Variants in HPSE2 observed in about 807,000 individuals in gnomAD.
HPSE2 encodes inactive heparanase-2.
In HPSE2, 38 loss-of-function variants were observed where a neutral mutation model predicts 60.5. The observed-to-expected ratio is 0.63, with a 90% CI of 0.48 to 0.82. The LOEUF (loss-of-function observed/expected upper bound fraction) is 0.82. Ranked by LOEUF, HPSE2 falls within the 40% of genes least tolerant of loss-of-function variation. The pLI, the probability that HPSE2 is intolerant of heterozygous loss-of-function variation, is 0.00. For missense variants in HPSE2, 713 were observed against 740.4 expected (o/e 0.96, Z 0.43); for synonymous variants, 295 against 293.2 (o/e 1.01, Z -0.06).
chr10:99,123,083 T>C (rs974471943), intron 3 of HPSE2, among the ~76,000 whole-genome samples: 7 of 152,308 alleles, frequency 4.6e-5, no homozygotes, highest in Middle Eastern at 3.4e-3. Flanking sequence ...GAAAATGTTA[T>C]ATACTTATAC....
At chr10:99,092,332 ATAT>A (rs1399365553) in intron 3 of HPSE2, among the ~76,000 whole-genome samples, 1 of 152,214 alleles carries the variant, frequency 6.6e-6, no homozygotes, top group Non-Finnish European at 1.5e-5. Flanking sequence ...TATGTGATAG[ATAT>A]TATTGTCATT....
chr10:99,125,606 A>G (rs1373880498), intron 3 of HPSE2, among the ~76,000 whole-genome samples: 1 of 152,234 alleles, frequency 6.6e-6, no homozygotes, highest in Admixed American at 6.5e-5. Context: ...GTGGCATGCC[A>G]CTGCAAATTC....
intron 9 of HPSE2, among the ~76,000 whole-genome samples, chr10:98,492,702 G>A (rs1167359894): frequency 6.6e-6 from 1 of 152,054 alleles, no homozygotes. Context: ...CTCTAAAAAA[G>A]GAGATGAGGA....
chr10:99,068,262 A>G (rs1052775298), intron 3 of HPSE2, among the ~76,000 whole-genome samples: 9 of 152,132 alleles, frequency 5.9e-5, no homozygotes, highest in Admixed American at 3.9e-4. Context: ...AGGTATTTTT[A>G]CAGCAGCGCC....
intron 3 of HPSE2, among the ~76,000 whole-genome samples, chr10:98,802,216 T>G (rs541750775): frequency 6.6e-6 from 1 of 151,924 alleles, no homozygotes; most frequent in African/African-American, 2.4e-5. Context: ...CCTCAAACTA[T>G]AAAACTACCA....
chr10:98,591,877 C>T (rs1023629164), intron 9 of HPSE2, among the ~76,000 whole-genome samples: 5 of 152,132 alleles, frequency 3.3e-5, no homozygotes, highest in African/African-American at 1.2e-4. Context: ...CCTGTGATCA[C>T]TATACTTCAG....
intron 3 of HPSE2, among the ~76,000 whole-genome samples, chr10:98,915,237 T>A (rs1954086601): frequency 6.6e-6 from 1 of 151,072 alleles, no homozygotes. Flanking sequence ...AAGCTCCACA[T>A]CCCAGGTTCA....
intron 3 of HPSE2, among the ~76,000 whole-genome samples, chr10:99,112,290 A>C (rs1022857076): frequency 2.6e-5 from 4 of 152,188 alleles, no homozygotes; most frequent in African/African-American, 9.7e-5. Context: ...CCCAGGCTGG[A>C]GTACAGTGGC....
At chr10:98,668,857 C>G (rs1947436531) in intron 6 of HPSE2, among the ~76,000 whole-genome samples, 2 of 152,130 alleles carry the variant, frequency 1.3e-5, no homozygotes, top group Non-Finnish European at 2.9e-5. Flanking sequence ...GAATTTGTGG[C>G]TAAGTCACCA....
intron 9 of HPSE2, among the ~76,000 whole-genome samples, chr10:98,523,436 G>T (rs1462895749): frequency 1.3e-5 from 2 of 152,180 alleles, no homozygotes; most frequent in Non-Finnish European, 2.9e-5. Context: ...GTATGAAATA[G>T]AATATAGACT....
chr10:99,055,912 C>A (rs1958102783), intron 3 of HPSE2, among the ~76,000 whole-genome samples: 1 of 152,006 alleles, frequency 6.6e-6, no homozygotes, highest in Non-Finnish European at 1.5e-5. Context: ...TCCACCTTAA[C>A]AAGCTAGAGA....
intron 9 of HPSE2, among the ~76,000 whole-genome samples, chr10:98,586,593 G>A (rs1399756207): frequency 6.6e-6 from 1 of 152,140 alleles, no homozygotes; most frequent in African/African-American, 2.4e-5. Flanking sequence ...AAAATACGTT[G>A]TTATATTCTA....
At chr10:98,605,365 C>G (rs912446524) in intron 9 of HPSE2, among the ~76,000 whole-genome samples, 2 of 152,178 alleles carry the variant, frequency 1.3e-5, no homozygotes, top group African/African-American at 4.8e-5. Context: ...GAGAAGGAAT[C>G]TAACATTATT....
chr10:98,808,086 C>T (rs990847119), intron 3 of HPSE2, among the ~76,000 whole-genome samples: 1 of 152,152 alleles, frequency 6.6e-6, no homozygotes, highest in African/African-American at 2.4e-5. Context: ...TCACAAGCTC[C>T]TATGGGTGAC....
chr10:98,940,252 T>C (rs1954948651), intron 3 of HPSE2, among the ~76,000 whole-genome samples: 1 of 142,012 alleles, frequency 7.0e-6, no homozygotes, highest in Non-Finnish European at 1.5e-5. Context: ...ATGAAGGAAA[T>C]AGAGACACAA....
At chr10:99,116,469 C>T (rs1180326405) in intron 3 of HPSE2, among the ~76,000 whole-genome samples, 1 of 152,074 alleles carries the variant, frequency 6.6e-6, no homozygotes, top group Non-Finnish European at 1.5e-5. Flanking sequence ...TAAAATAACC[C>T]CAAGATCAAA....
chr10:98,811,505 G>A (rs955861032), intron 3 of HPSE2, among the ~76,000 whole-genome samples: 6 of 152,128 alleles, frequency 3.9e-5, no homozygotes, highest in Non-Finnish European at 7.4e-5. Context: ...CTCTCAGTAT[G>A]TATTACAGAA....
At chr10:98,610,592 T>C (rs949081486) in intron 9 of HPSE2, among the ~76,000 whole-genome samples, 1 of 152,108 alleles carries the variant, frequency 6.6e-6, no homozygotes, top group Non-Finnish European at 1.5e-5. Context: ...TCAGGGAAAG[T>C]AGGCAAAAAA....
chr10:99,118,400 G>A (rs1301185617), intron 3 of HPSE2, among the ~76,000 whole-genome samples: 1 of 151,664 alleles, frequency 6.6e-6, no homozygotes, highest in Non-Finnish European at 1.5e-5. Flanking sequence ...GCAGGCGCCT[G>A]TAGTCCCAGC....
Sources: gnomAD v4.1 joint callset for allele counts (sites outside exome capture counted in the v4.1 genomes callset) on GRCh38, gnomAD v4.1.1 for gene constraint, MANE v1.5 for transcripts, NCBI Gene and HGNC (gene_info 2026-07-23, HGNC 2026-07-21) for gene names.